Variants in IL23R observed in about 807,000 individuals in gnomAD.
IL23R encodes the protein interleukin 23 receptor.
A neutral mutation model predicts 56.9 loss-of-function variants in IL23R; 34 were observed. The observed-to-expected ratio is 0.60, with a 90% CI of 0.45 to 0.80. The LOEUF (loss-of-function observed/expected upper bound fraction) is 0.80, where lower values mean the gene tolerates loss of function less well. Ranked by LOEUF, IL23R falls within the 30% of genes least tolerant of loss-of-function variation. IL23R has a pLI of 0.00. For missense variants in IL23R, 635 were observed against 730.0 expected (o/e 0.87, Z 1.50); for synonymous variants, 230 against 249.2 (o/e 0.92, Z 0.73).
downstream of IL23R, among the ~76,000 whole-genome samples, chr1:67,262,799 G>A (rs1220348755): frequency 1.3e-5 from 2 of 152,092 alleles, no homozygotes; most frequent in Admixed American, 1.3e-4. Flanking sequence ...TGGGTAAAGG[G>A]GAAGGAAGAA....
chr1:67,189,857 G>A (rs1250098886), intron 4 of IL23R, among the ~76,000 whole-genome samples: 3 of 152,128 alleles, frequency 2.0e-5, no homozygotes, highest in African/African-American at 7.2e-5. Context: ...TACTTGGGAA[G>A]ATGGCTTGAA....
rs970101737 is a variant in IL23R, at chr1:67,147,489, G to A, written c.-634+8328G>A. Among the ~76,000 whole-genome samples the A allele has an allele frequency of 2.6e-5, 4 of 152,006 alleles. No individual in the cohort carries two copies. The South Asian group carries it at 8.3e-4, about 32-fold the overall frequency. On this transcript the variant is annotated intron_variant, in intron 1 of 10. Coordinates refer to the IL23R transcript ENST00000637002. Reference sequence around the variant, plus strand: ...CGAGGCAGGTGTATCACCTGAGGTCGGGAGTTCGAGACCAGCCTGGCCAAC... The same window carrying A: ...CGAGGCAGGTGTATCACCTGAGGTCAGGAGTTCGAGACCAGCCTGGCCAAC...
chr1:67,244,377 C>G (rs111572199), intron 9 of IL23R, among the ~76,000 whole-genome samples: 109 of 152,192 alleles, frequency 7.2e-4, no homozygotes, highest in Non-Finnish European at 8.5e-4. Context: ...TCATCATGAA[C>G]TCTTTGCCCA....
At chr1:67,207,228 CG>C (rs1649136085) in intron 6 of IL23R, 173 bp downstream of exon 6, 1 of 768,906 alleles carries the variant, frequency 1.3e-6, no homozygotes, top group Non-Finnish European at 2.2e-6. Flanking sequence ...ATTTTAGATT[CG>C]GGGGCACATG....
Position 67,225,376 on chromosome 1 carries a change from A to G in IL23R, c.955+5646A>G, listed in dbSNP as rs148604340. On this transcript the variant is annotated intron_variant, in intron 7 of 10. Transcript: ENST00000347310. ...GCAGTCTGAGATGAGGATAAAGGATAGGTAAAAAAGGCAGCCTTAGCCAAG... is the reference window on the plus strand; with the variant it reads ...GCAGTCTGAGATGAGGATAAAGGATGGGTAAAAAAGGCAGCCTTAGCCAAG... 1.9e-4 allele frequency among the ~76,000 whole-genome samples: 29 copies of G among 152,310 alleles called. 1 individual carries two copies. Among genetic ancestry groups the G allele is most frequent in the Admixed American group, 7.2e-4 (11 of 15,296 alleles).
chr1:67,156,234 C>T (rs566830358), intron 1 of IL23R, among the ~76,000 whole-genome samples: 9 of 152,312 alleles, frequency 5.9e-5, no homozygotes, highest in East Asian at 1.9e-4. Flanking sequence ...TGTCGACCCC[C>T]GTTGGGAGGT....
At chr1:67,143,805 G>C (rs1646658372) in intron 1 of IL23R, among the ~76,000 whole-genome samples, 1 of 152,166 alleles carries the variant, frequency 6.6e-6, no homozygotes, top group Admixed American at 6.5e-5. Context: ...AGGGAATCTA[G>C]GCAGGACATC....
intron 4 of IL23R, among the ~76,000 whole-genome samples, chr1:67,190,482 C>T (rs1647663396): frequency 6.6e-6 from 1 of 151,696 alleles, no homozygotes; most frequent in South Asian, 2.1e-4. Context: ...AACCATCTCC[C>T]TACTGTAGTC....
Position 67,255,883 on chromosome 1 carries a change from G to T in IL23R, c.1195G>T (p.Asp399Tyr). 1 of 1,603,798 alleles carries T rather than the reference G, an allele frequency of 6.2e-7. No individual in the cohort carries two copies. Among genetic ancestry groups the T allele is most frequent in the Admixed American group, 1.7e-5 (1 of 59,942 alleles). Residue 399 changes from aspartate (D) to tyrosine (Y), a missense_variant, in exon 10 of 11, where the codon GAT becomes TAT. Coordinates refer to ENST00000347310, the MANE Select transcript of IL23R (RefSeq NM_144701.3). ...GTTAATACCAAAGTGGCTTTATGAA[G>T]ATATTCCTAATATGAAAAACAGCAA... ...LLLIPKWLYE[D>Y]IPNMKNSNVV...
chr1:67,218,046 A>G (rs957110912), intron 6 of IL23R, among the ~76,000 whole-genome samples: 1 of 152,068 alleles, frequency 6.6e-6, no homozygotes, highest in African/African-American at 2.4e-5. Context: ...TTTTCCAGTA[A>G]ATCAGTTACT....
chr1:67,195,796 A>G (rs961418116), intron 4 of IL23R, among the ~76,000 whole-genome samples: 10 of 152,204 alleles, frequency 6.6e-5, no homozygotes, highest in African/African-American at 2.2e-4. Flanking sequence ...ATAAGTTTAT[A>G]TAAATTATAT....
chr1:67,213,115 C>G (rs1157552856), intron 6 of IL23R, among the ~76,000 whole-genome samples: 2 of 152,170 alleles, frequency 1.3e-5, no homozygotes. Context: ...CCATCTCGGC[C>G]TCCCAAAATG....
chr1:67,208,939 T>C (rs975743758), intron 6 of IL23R, among the ~76,000 whole-genome samples: 1 of 152,104 alleles, frequency 6.6e-6, no homozygotes, highest in African/African-American at 2.4e-5. Flanking sequence ...CCCTGCAAAG[T>C]CACAGGGTTG....
At chr1:67,208,503 C>T (rs1649235853) in intron 6 of IL23R, among the ~76,000 whole-genome samples, 2 of 152,172 alleles carry the variant, frequency 1.3e-5, no homozygotes, top group South Asian at 4.1e-4. Flanking sequence ...GTCCCAGCTG[C>T]TCCAACCATG....
chr1:67,231,022 G>A (rs577971688), intron 7 of IL23R, among the ~76,000 whole-genome samples: 8 of 152,072 alleles, frequency 5.3e-5, no homozygotes, highest in African/African-American at 1.7e-4. Flanking sequence ...GGGTGGGGGC[G>A]AATCTCCAAT....
intron 6 of IL23R, among the ~76,000 whole-genome samples, chr1:67,217,063 G>A (rs1649889605): frequency 6.6e-6 from 1 of 152,144 alleles, no homozygotes; most frequent in African/African-American, 2.4e-5. Context: ...GGGAAGGTAG[G>A]AATTATAGAA....
Position 67,229,801 on chromosome 1 carries a change from G to A in IL23R, c.956-6912G>A, listed in dbSNP as rs189676863. Among the ~76,000 whole-genome samples the A allele has an allele frequency of 4.6e-5, 7 of 152,248 alleles. No homozygotes were observed. The East Asian group carries it at 1.2e-3, about 25-fold the overall frequency. ...CCTGTTCACAGATTCCAGGGATTAG[G>A]ACACGGACATCTTTATGATGCCATT... On this transcript the variant is annotated intron_variant, in intron 7 of 10. Transcript: ENST00000347310.
chr1:67,183,046 C>A, intron 4 of IL23R, 87 bp downstream of exon 4: 2 of 1,444,472 alleles, frequency 1.4e-6, no homozygotes, highest in East Asian at 2.3e-5. Flanking sequence ...AAGAAATCAG[C>A]CTCAAACATT....
At chr1:67,157,482 AC>A (rs1646779465) in intron 1 of IL23R, among the ~76,000 whole-genome samples, 1 of 152,148 alleles carries the variant, frequency 6.6e-6, no homozygotes, top group South Asian at 2.1e-4. Flanking sequence ...GCTTCCCTAC[AC>A]AACTGTCCAC....
Sources: allele counts gnomAD v4.1 joint callset (sites outside exome capture counted in the v4.1 genomes callset), GRCh38; gene constraint gnomAD v4.1.1; transcripts MANE v1.5; gene names NCBI Gene and HGNC (gene_info 2026-07-23, HGNC 2026-07-21).